Variants in RORA observed in about 807,000 individuals in gnomAD.
RORA encodes the protein nuclear receptor ROR-alpha.
RORA carries 7 observed loss-of-function variants against 69.5 expected under a neutral mutation model. The observed-to-expected ratio is 0.10, with a 90% CI of 0.06 to 0.19. RORA has a LOEUF of 0.19. Among genes scored for constraint, RORA ranks in the 10% least tolerant of loss-of-function variants. The pLI is 1.00. For synonymous variants in RORA, 261 were observed against 240.8 expected (o/e 1.08, Z -0.78); for missense variants, 457 against 663.0 (o/e 0.69, Z 3.41).
At chr15:61,102,819 G>C (rs889890654) in intron 1 of RORA, among the ~76,000 whole-genome samples, 1 of 152,056 alleles carries the variant, frequency 6.6e-6, no homozygotes, top group African/African-American at 2.4e-5. Context: ...ACATGACAGC[G>C]TGTTACACAT....
At chr15:60,546,979 G>C (rs1239896895) in intron 2 of RORA, among the ~76,000 whole-genome samples, 1 of 152,174 alleles carries the variant, frequency 6.6e-6, no homozygotes, top group African/African-American at 2.4e-5. Context: ...GGGAGTAGCA[G>C]TTCTGACACA....
chr15:60,635,212 C>T (rs1025498280), intron 2 of RORA, among the ~76,000 whole-genome samples: 3 of 152,198 alleles, frequency 2.0e-5, no homozygotes, highest in Admixed American at 1.3e-4. Context: ...TTATATCTTC[C>T]CATATATTTC....
At chr15:60,793,612 A>C (rs2072448678) in intron 1 of RORA, among the ~76,000 whole-genome samples, 2 of 152,228 alleles carry the variant, frequency 1.3e-5, no homozygotes, top group South Asian at 4.1e-4. Context: ...CAAGTGCGAA[A>C]GTTCACTGCA....
At chr15:60,902,539 G>C (rs2140469456) in intron 1 of RORA, among the ~76,000 whole-genome samples, 1 of 152,344 alleles carries the variant, frequency 6.6e-6, no homozygotes, top group South Asian at 2.1e-4. Context: ...AGCACGGCTT[G>C]CCTCTGCTGT....
At chr15:61,172,574 G>A (rs2079594923) in intron 1 of RORA, among the ~76,000 whole-genome samples, 2 of 152,136 alleles carry the variant, frequency 1.3e-5, no homozygotes, top group African/African-American at 4.8e-5. Context: ...GGGCCCCGGA[G>A]GAATGATCCT....
chr15:61,064,740 C>T (rs2078234034), intron 1 of RORA, among the ~76,000 whole-genome samples: 1 of 152,154 alleles, frequency 6.6e-6, no homozygotes, highest in African/African-American at 2.4e-5. Context: ...GTGCCTCCCC[C>T]AGTCATTGGG....
intron 3 of RORA, among the ~76,000 whole-genome samples, chr15:60,518,703 T>G (rs2066051466): frequency 6.6e-6 from 1 of 152,240 alleles, no homozygotes; most frequent in African/African-American, 2.4e-5. Context: ...GACTAGCTAC[T>G]TATCCTAATC....
In RORA at chr15:60,849,869, C is replaced by A. The variant is rs544989000; in HGVS notation, c.167-171183G>T. 4.6e-5 allele frequency among the ~76,000 whole-genome samples: 7 copies of A among 152,210 alleles called. No individual in the cohort carries two copies. The South Asian group carries it at 1.5e-3, about 32-fold the overall frequency. On this transcript the variant is annotated intron_variant, in intron 1 of 10. Transcript: ENST00000335670. ...TGAGAATAGAGGAGGAGGCATCTTG[C>A]ACACAAAGGGAAGAATCTCTTCAGG...
At chr15:60,834,131 T>C (rs2073083862) in intron 1 of RORA, among the ~76,000 whole-genome samples, 1 of 152,178 alleles carries the variant, frequency 6.6e-6, no homozygotes, top group African/African-American at 2.4e-5. Context: ...TAACAGTTCC[T>C]CAAATATTAT....
chr15:60,943,926 A>AAAAAAAAAAAAAAAG (rs1892783685), intron 1 of RORA, among the ~76,000 whole-genome samples: 1 of 148,454 alleles, frequency 6.7e-6, no homozygotes. Context: ...CAAAAAAAAA[A>AAAAAAAAAAAAAAAG]AAAAAAAAAA....
At position 60,739,225 on chromosome 15, in the gene RORA, G is replaced by C. The variant is rs539316573; in HGVS notation, c.167-60539C>G. Among the ~76,000 whole-genome samples, 32 of 152,236 alleles carry C rather than the reference G, an allele frequency of 2.1e-4. 1 individual carries two copies. The South Asian group carries it at 6.2e-3, about 30-fold the overall frequency. ...TTCTGAAGGCAACGTAGAAACCCGG[G>C]GTCTTCAGTAGCATCAGAAATGTGA... On this transcript the variant is annotated intron_variant, in intron 1 of 10. Transcript: ENST00000335670.
At chr15:60,721,925 T>C (rs1473963371) in intron 1 of RORA, among the ~76,000 whole-genome samples, 7 of 152,260 alleles carry the variant, frequency 4.6e-5, no homozygotes, top group African/African-American at 1.7e-4. Context: ...GGACTCGCCC[T>C]AGACGGCGTG....
At chr15:61,097,835 C>T (rs900025995) in intron 1 of RORA, among the ~76,000 whole-genome samples, 5 of 152,178 alleles carry the variant, frequency 3.3e-5, no homozygotes, top group African/African-American at 1.2e-4. Flanking sequence ...CTTTTGAATA[C>T]AGGATCATTT....
rs753850033 is a variant in RORA, at chr15:60,719,564, G to A, written c.167-40878C>T. Among the ~76,000 whole-genome samples, 90 of 152,322 alleles carry A rather than the reference G, an allele frequency of 5.9e-4. 1 individual carries two copies. Among genetic ancestry groups the A allele is most frequent in the Admixed American group, 7.2e-4 (11 of 15,302 alleles). On this transcript the variant is annotated intron_variant, in intron 1 of 10. Transcript: ENST00000335670. Reference sequence around the variant, plus strand: ...GAATAGGTGCAAAAACCCGAGAGCAGTAATTAATGGCCAATCTTATGTGCA... The same window carrying A: ...GAATAGGTGCAAAAACCCGAGAGCAATAATTAATGGCCAATCTTATGTGCA...
intron 1 of RORA, among the ~76,000 whole-genome samples, chr15:60,718,838 A>C (rs889414731): frequency 2.0e-5 from 3 of 152,216 alleles, no homozygotes; most frequent in Middle Eastern, 3.2e-3. Flanking sequence ...GGAATTGTAC[A>C]AATATTTACC....
At chr15:60,863,084 C>G (rs1247578859) in intron 1 of RORA, among the ~76,000 whole-genome samples, 1 of 152,162 alleles carries the variant, frequency 6.6e-6, no homozygotes, top group Non-Finnish European at 1.5e-5. Context: ...AGCTTGTAAA[C>G]AGTTTCTTGG....
At chr15:60,844,517 C>A (rs1299813097) in intron 1 of RORA, among the ~76,000 whole-genome samples, 1 of 152,164 alleles carries the variant, frequency 6.6e-6, no homozygotes, top group Non-Finnish European at 1.5e-5. Flanking sequence ...CACGAGCAAG[C>A]CTCCACGCAT....
At chr15:61,025,082 A>C (rs1265975553) in intron 1 of RORA, among the ~76,000 whole-genome samples, 2 of 150,748 alleles carry the variant, frequency 1.3e-5, no homozygotes, top group Non-Finnish European at 1.5e-5. Context: ...CACATATCTA[A>C]TGAATCAAAC....
At chr15:60,813,498 G>A (rs1191669769) in intron 1 of RORA, among the ~76,000 whole-genome samples, 1 of 152,174 alleles carries the variant, frequency 6.6e-6, no homozygotes, top group Non-Finnish European at 1.5e-5. Context: ...TGTGTTAGGA[G>A]CTCCACCCCA....
Sources: allele counts gnomAD v4.1 joint callset (sites outside exome capture counted in the v4.1 genomes callset), GRCh38; gene constraint gnomAD v4.1.1; transcripts MANE v1.5; gene names NCBI Gene and HGNC (gene_info 2026-07-23, HGNC 2026-07-21).